MMACHC: variants seen among roughly 807,000 people sequenced by gnomAD.
The protein encoded by MMACHC is metabolism of cobalamin associated C, also known as cyanocobalamin reductase / alkylcobalamin dealkylase.
Under a neutral mutation model 17.6 loss-of-function variants are expected in MMACHC, and 14 were observed. That is an observed-to-expected ratio of 0.80 (90% confidence interval 0.53 to 1.25). The LOEUF (loss-of-function observed/expected upper bound fraction) is 1.25, where lower values mean the gene tolerates loss of function less well. MMACHC is among the 50% of genes most tolerant of loss of function. The pLI is 0.00. For missense variants in MMACHC, 392 were observed against 364.5 expected, an observed-to-expected ratio of 1.08 and a Z score of -0.62; for synonymous variants, 151 against 142.1, an observed-to-expected ratio of 1.06 and a Z score of -0.45.
At chr1:45,503,925 C>G (rs1056104836) in intron 1 of MMACHC, among the ~76,000 whole-genome samples, 1 of 152,184 alleles carries the variant, frequency 6.6e-6, no homozygotes, top group Non-Finnish European at 1.5e-5. Context: ...TGTTATGGGT[C>G]TTCGGTTTGG....
chr1:45,511,155 A>AC lies in MMACHC; in HGVS notation c.*1942dup, dbSNP rs1643735357. 1 of 582,750 alleles carries AC rather than the reference A, an allele frequency of 1.7e-6. No individual in the cohort carries two copies. 36.1% of individuals were successfully genotyped at this position (582,750 alleles called of 1,614,324 possible). A position where few individuals can be genotyped will look rare whatever the true frequency, so the allele number is the denominator to read the frequency against. On this transcript the variant is annotated 3_prime_UTR_variant, in exon 4 of 4. Transcript: ENST00000401061. ...CACAACGCCAACTCAGGCCATTCCT[A>AC]CCAAAGGAAGAAAGGCTGGTCTCTC...
In MMACHC at chr1:45,512,174, C is replaced by G. The variant is rs954322789; in HGVS notation, c.*2959C>G. The G allele has an allele frequency of 6.2e-5, 9 of 145,454 alleles. No individual in the cohort carries two copies. Among genetic ancestry groups the G allele is most frequent in the Admixed American group, 1.4e-4 (2 of 14,224 alleles). The allele number at this position is 145,454 out of a possible 1,614,324, so 9.0% of individuals were successfully genotyped here. ...ACCTCCGTCTCACTGCAACCTCGGT[C>G]TCCCGGGTTCAAGCGATTCTCCTGC... is the stretch of plus-strand genomic sequence containing the variant. On this transcript the variant is annotated 3_prime_UTR_variant, in exon 4 of 4. Transcript: ENST00000401061.
chr1:45,510,992 A>T lies in MMACHC; in HGVS notation c.*1777A>T, dbSNP rs1030989459. 2 of 181,322 alleles carry T rather than the reference A, an allele frequency of 1.1e-5. No individual in the cohort carries two copies. The highest frequency in any genetic ancestry group is 4.7e-5 in the African/African-American group (2 of 42,694). The allele number at this position is 181,322 out of a possible 1,614,324, so 11.2% of individuals were successfully genotyped here. On this transcript the variant is annotated 3_prime_UTR_variant, in exon 4 of 4. Transcript: ENST00000401061. ...CCCCAAAACAGGGAAAGCAAGGAGT[A>T]AATTCCTCTTAAAATCAAAAGCTAA...
At chr1:45,505,772 C>T (rs532174442) in intron 1 of MMACHC, among the ~76,000 whole-genome samples, 1 of 151,916 alleles carries the variant, frequency 6.6e-6, no homozygotes, top group Non-Finnish European at 1.5e-5. Flanking sequence ...CGTGGTGGCA[C>T]GTGCCTGTAG....
chr1:45,504,453 T>A (rs747167641), intron 1 of MMACHC, among the ~76,000 whole-genome samples: 5 of 151,920 alleles, frequency 3.3e-5, no homozygotes, highest in Non-Finnish European at 2.9e-5. Context: ...CTGTTAGGGG[T>A]TTGTAGACTA....
Position 45,510,874 on chromosome 1 carries a change from C to T in MMACHC, c.*1659C>T, listed in dbSNP as rs1374893298. 1 of 152,876 alleles carries T rather than the reference C, an allele frequency of 6.5e-6. No homozygotes were observed. The highest frequency in any genetic ancestry group is 2.4e-5 in the African/African-American group (1 of 41,476). 9.5% of individuals were successfully genotyped at this position (152,876 alleles called of 1,614,324 possible). ...TTCTTCTCCCTCATGTGTAGTGAAA[C>T]AAAATGTAACACCTTGGGTTCATTC... On this transcript the variant is annotated 3_prime_UTR_variant, in exon 4 of 4. Coordinates refer to ENST00000401061, the MANE Select transcript of MMACHC (RefSeq NM_015506.3).
chr1:45,500,621 T>G (rs1480807220), intron 1 of MMACHC, among the ~76,000 whole-genome samples: 2 of 152,122 alleles, frequency 1.3e-5, no homozygotes, highest in South Asian at 4.1e-4. Context: ...TCCCAGCACT[T>G]TGGGAGGCCG....
intron 3 of MMACHC, 144 bp from the exon 4 acceptor site, chr1:45,508,652 A>G (rs1385312903): frequency 5.7e-6 from 6 of 1,046,452 alleles, no homozygotes; most frequent in Non-Finnish European, 8.2e-6. Context: ...ATAGTTTATG[A>G]AAGGGTTTGC....
intron 1 of MMACHC, among the ~76,000 whole-genome samples, chr1:45,504,192 A>G (rs1319293960): frequency 6.6e-6 from 1 of 152,150 alleles, no homozygotes; most frequent in African/African-American, 2.4e-5. Context: ...AGGCGGGTGG[A>G]TCATCTGAGG....
Position 45,509,410 on chromosome 1 carries a change from A to G in MMACHC, c.*195A>G, listed in dbSNP as rs965270274. On this transcript the variant is annotated 3_prime_UTR_variant, in exon 4 of 4. Coordinates refer to ENST00000401061, the MANE Select transcript of MMACHC (RefSeq NM_015506.3). ...GGAACCAGAATTCCCATCTGCCTTC[A>G]AATGAGTTTTTTTTTTTTTTTTAGA... 2 of 465,744 alleles carry G rather than the reference A, an allele frequency of 4.3e-6. No individual in the cohort carries two copies. The highest frequency in any genetic ancestry group is 4.8e-5 in the Admixed American group (1 of 20,718). The allele number at this position is 465,744 out of a possible 1,614,324, so 28.9% of individuals were successfully genotyped here. A position where few individuals can be genotyped will look rare whatever the true frequency, so the allele number is the denominator to read the frequency against.
rs1643758317 is a variant in MMACHC at position 45,512,052 on chromosome 1, A to ACTAATCT, written c.*2840_*2846dup. 6.9e-6 allele frequency: 1 copy of ACTAATCT among 145,442 alleles called. No homozygotes were observed. Among genetic ancestry groups the ACTAATCT allele is most frequent in the African/African-American group, 2.5e-5 (1 of 39,534 alleles). The allele number at this position is 145,442 out of a possible 1,614,324, so 9.0% of individuals were successfully genotyped here. On this transcript the variant is annotated 3_prime_UTR_variant, in exon 4 of 4. Coordinates refer to ENST00000401061, the MANE Select transcript of MMACHC (RefSeq NM_015506.3). ...AGCCTGAAGAAAATGAGGCAAGGGGACTAATCTCTTATTTTTCTTTTTTTT... is the reference window on the plus strand; with the variant it reads ...AGCCTGAAGAAAATGAGGCAAGGGGACTAATCTCTAATCTCTTATTTTTCTTTTTTTT...
rs6662272 is a variant in MMACHC at position 45,507,452 on chromosome 1, G to C, written c.178G>C (p.Asp60His). The C allele has an allele frequency of 4.8e-3, 7,734 of 1,614,128 alleles. 336 individuals are homozygous for C. The African/African-American group carries it at 0.092, about 19-fold the overall frequency. Residue 60 changes from aspartate to histidine, a missense_variant, in exon 2 of 4, where the codon GAC becomes CAC. Transcript: ENST00000401061. ...FLVLSTPAMFDRALKPFLQSC... is the reference protein window; with the variant it reads ...FLVLSTPAMFHRALKPFLQSC... The stretch of plus-strand genomic sequence containing the variant: ...GGTACTCAGCACGCCTGCCATGTTT[G>C]ACCGGGCCCTCAAGCCCTTCTTGCA...
chr1:45,501,920 C>A (rs935769273), intron 1 of MMACHC, among the ~76,000 whole-genome samples: 1 of 152,050 alleles, frequency 6.6e-6, no homozygotes, highest in Non-Finnish European at 1.5e-5. Flanking sequence ...TGTATTCCAC[C>A]CATCTATGCT....
intron 1 of MMACHC, among the ~76,000 whole-genome samples, chr1:45,500,768 G>A (rs1643529432): frequency 6.6e-6 from 1 of 150,860 alleles, no homozygotes; most frequent in Non-Finnish European, 1.5e-5. Context: ...GGAGGCTGAG[G>A]CAGGACAATT....
At chr1:45,501,586 T>TTA (rs745440363) in intron 1 of MMACHC, among the ~76,000 whole-genome samples, 12 of 152,200 alleles carry the variant, frequency 7.9e-5, no homozygotes, top group Admixed American at 2.0e-4. Flanking sequence ...TGGTGTGGTG[T>TTA]TACCAAGTAA....
intron 1 of MMACHC, among the ~76,000 whole-genome samples, chr1:45,505,842 C>T (rs565959875): frequency 1.9e-4 from 29 of 149,556 alleles, no homozygotes; most frequent in Non-Finnish European, 3.0e-4. Context: ...GCGGAGGTTG[C>T]GGTGAGCCTA....
Position 45,509,379 on chromosome 1 carries a change from G to A in MMACHC, c.*164G>A. The A allele has an allele frequency of 1.3e-6, 1 of 767,500 alleles. No individual in the cohort carries two copies. The highest frequency in any genetic ancestry group is 1.9e-5 in the South Asian group (1 of 52,654). 47.5% of individuals were successfully genotyped at this position (767,500 alleles called of 1,614,324 possible). A position where few individuals can be genotyped will look rare whatever the true frequency, so the allele number is the denominator to read the frequency against. On this transcript the variant is annotated 3_prime_UTR_variant, in exon 4 of 4. Transcript: ENST00000401061. The stretch of plus-strand genomic sequence containing the variant: ...GGAAGTTAGGTTTGGCCAAGATAAA[G>A]GCCAGGGAACCAGAATTCCCATCTG...
In MMACHC at chr1:45,512,069, C is replaced by CTTTTT. The variant is rs869087041; in HGVS notation, c.*2877_*2881dup. The CTTTTT allele has an allele frequency of 1.5e-4, 10 of 66,922 alleles. No individual in the cohort carries two copies. The highest frequency in any genetic ancestry group is 2.1e-4 in the Non-Finnish European group (8 of 38,080). 4.1% of individuals were successfully genotyped at this position (66,922 alleles called of 1,614,324 possible). A position where few individuals can be genotyped will look rare whatever the true frequency, so the allele number is the denominator to read the frequency against. Reference sequence around the variant, plus strand: ...GCAAGGGGACTAATCTCTTATTTTTCTTTTTTTTTTTTTTTTTTTTTTTTT... The same window carrying CTTTTT: ...GCAAGGGGACTAATCTCTTATTTTTCTTTTTTTTTTTTTTTTTTTTTTTTTTTTTT... On this transcript the variant is annotated 3_prime_UTR_variant, in exon 4 of 4. Transcript: ENST00000401061.
intron 1 of MMACHC, among the ~76,000 whole-genome samples, chr1:45,505,901 CAAA>C (rs35613117): frequency 1.6e-5 from 2 of 127,810 alleles, no homozygotes; most frequent in Non-Finnish European, 3.4e-5. Flanking sequence ...GACTCCGTCT[CAAA>C]AAAAAAAAAA....
Sources: allele counts gnomAD v4.1 joint callset (sites outside exome capture counted in the v4.1 genomes callset), GRCh38; gene constraint gnomAD v4.1.1; transcripts MANE v1.5; gene names NCBI Gene and HGNC (gene_info 2026-07-23, HGNC 2026-07-21).